The following DOK6 variants were observed in gnomAD, a reference collection of about 807,000 sequenced individuals.
DOK6 encodes downstream of tyrosine kinase 6.
DOK6 carries 22 observed loss-of-function variants against 44.0 expected under a neutral mutation model. The observed-to-expected ratio is 0.50, with a 90% CI of 0.36 to 0.71. The LOEUF is 0.71. Ranked by LOEUF, DOK6 falls within the 30% of genes least tolerant of loss-of-function variation. The pLI is 0.00. For missense variants in DOK6, 340 were observed against 416.4 expected (o/e 0.82, Z 1.60); for synonymous variants, 166 against 145.5 (o/e 1.14, Z -1.01).
In DOK6 at chr18:69,844,484, G is replaced by A. The variant is rs1436590556; in HGVS notation, c.*3101G>A. The A allele has an allele frequency of 6.6e-6, 1 of 151,990 alleles. No homozygotes were observed. The highest frequency in any genetic ancestry group is 1.5e-5 in the Non-Finnish European group (1 of 68,010). 9.4% of individuals were successfully genotyped at this position (151,990 alleles called of 1,614,324 possible). On this transcript the variant is annotated 3_prime_UTR_variant, in exon 8 of 8. Coordinates refer to ENST00000382713, the MANE Select transcript of DOK6 (RefSeq NM_152721.6). ...TTTTCTTCTGATAATATTAATCAAT[G>A]TACACATGATTGATGCATGATATTA...
chr18:69,719,667 G>A (rs1167843494), intron 5 of DOK6, among the ~76,000 whole-genome samples: 1 of 152,136 alleles, frequency 6.6e-6, no homozygotes, highest in Non-Finnish European at 1.5e-5. Context: ...GTCAGTTTGG[G>A]GAAGGGACTG....
At chr18:69,455,827 T>C (rs539952012) in intron 1 of DOK6, among the ~76,000 whole-genome samples, 1 of 152,196 alleles carries the variant, frequency 6.6e-6, no homozygotes, top group Admixed American at 6.5e-5. Flanking sequence ...AAAAGCTAAA[T>C]GATGGGCAAT....
intron 4 of DOK6, among the ~76,000 whole-genome samples, chr18:69,684,057 A>G (rs187656192): frequency 3.7e-4 from 56 of 152,342 alleles, no homozygotes; most frequent in Non-Finnish European, 2.8e-4. Context: ...TAGAAGAAAT[A>G]AGATGACACT....
chr18:69,435,470 A>G (rs1162704140), intron 1 of DOK6, among the ~76,000 whole-genome samples: 1 of 152,220 alleles, frequency 6.6e-6, no homozygotes, highest in East Asian at 1.9e-4. Context: ...TAATAAAAAT[A>G]GAGATGAATG....
intron 2 of DOK6, among the ~76,000 whole-genome samples, chr18:69,569,372 T>G (rs1373423564): frequency 6.6e-6 from 1 of 152,234 alleles, no homozygotes; most frequent in East Asian, 1.9e-4. Flanking sequence ...CCACCACAGG[T>G]GTAGCATTTG....
At chr18:69,410,560 G>A (rs1978301660) in intron 1 of DOK6, among the ~76,000 whole-genome samples, 2 of 152,176 alleles carry the variant, frequency 1.3e-5, no homozygotes, top group South Asian at 2.1e-4. Context: ...GCTTTATAAT[G>A]TGAACACAGA....
chr18:69,475,842 T>C (rs1980245368), intron 1 of DOK6, among the ~76,000 whole-genome samples: 1 of 152,244 alleles, frequency 6.6e-6, no homozygotes, highest in Admixed American at 6.5e-5. Context: ...TATTAAACAA[T>C]ATGAGCCACT....
intron 3 of DOK6, among the ~76,000 whole-genome samples, chr18:69,641,313 A>G (rs991245286): frequency 1.3e-5 from 2 of 152,222 alleles, no homozygotes; most frequent in Non-Finnish European, 2.9e-5. Flanking sequence ...ATCATTAACT[A>G]AACTGTTTAC....
rs1360863842 is a variant in DOK6 at position 69,603,801 on chromosome 18, A to T, written c.289+4303A>T. Among the ~76,000 whole-genome samples, 5 of 148,836 alleles carry T rather than the reference A, an allele frequency of 3.4e-5. No individual in the cohort carries two copies. The East Asian group carries it at 9.8e-4, about 29-fold the overall frequency. On this transcript the variant is annotated intron_variant, in intron 3 of 7. Coordinates refer to ENST00000382713, the MANE Select transcript of DOK6 (RefSeq NM_152721.6). ...AAAAAAAAAAAAAAAAAAAAAGGAC[A>T]TCTGTGGAAAACTTTACTCAGTTCT...
chr18:69,529,636 C>A (rs1981929843), intron 1 of DOK6, among the ~76,000 whole-genome samples: 2 of 152,144 alleles, frequency 1.3e-5, no homozygotes, highest in Admixed American at 6.6e-5. Context: ...ATATTTTCTT[C>A]CTTTAAATCT....
intron 3 of DOK6, among the ~76,000 whole-genome samples, chr18:69,611,267 T>A (rs1984132619): frequency 6.6e-6 from 1 of 152,144 alleles, no homozygotes; most frequent in African/African-American, 2.4e-5. Context: ...GTGACACACC[T>A]GTCAGCATGA....
chr18:69,544,078 G>A (rs1397530761), intron 1 of DOK6, among the ~76,000 whole-genome samples: 2 of 144,812 alleles, frequency 1.4e-5, no homozygotes, highest in Admixed American at 1.4e-4. Context: ...CCAACATAGT[G>A]AAACCCTGTC....
intron 7 of DOK6, among the ~76,000 whole-genome samples, chr18:69,771,045 T>C (rs1568121505): frequency 6.6e-6 from 1 of 152,060 alleles, no homozygotes; most frequent in African/African-American, 2.4e-5. Flanking sequence ...GGCAGTATGA[T>C]ATCTGAAAAT....
At chr18:69,440,515 T>C (rs1397301892) in intron 1 of DOK6, among the ~76,000 whole-genome samples, 3 of 152,172 alleles carry the variant, frequency 2.0e-5, no homozygotes, top group African/African-American at 4.8e-5. Context: ...GGAGTAGCCA[T>C]GAGTCTGTTC....
At chr18:69,607,676 C>T (rs555970546) in intron 3 of DOK6, among the ~76,000 whole-genome samples, 66 of 152,090 alleles carry the variant, frequency 4.3e-4, no homozygotes, top group African/African-American at 1.5e-3. Flanking sequence ...TAACCAAAGA[C>T]AATATGTTAA....
At chr18:69,835,154 T>C (rs760124556) in intron 7 of DOK6, among the ~76,000 whole-genome samples, 47 of 152,110 alleles carry the variant, frequency 3.1e-4, no homozygotes, top group Non-Finnish European at 7.4e-5. Flanking sequence ...ACATAAAGCC[T>C]AACCATATCA....
intron 7 of DOK6, chr18:69,831,178 C>T (rs1981891024): frequency 6.6e-6 from 1 of 152,160 alleles, no homozygotes; most frequent in East Asian, 1.9e-4. Context: ...GTGTAGGTCC[C>T]ATAGTCCAAA....
At chr18:69,566,830 A>G (rs1982995451) in intron 2 of DOK6, among the ~76,000 whole-genome samples, 1 of 152,232 alleles carries the variant, frequency 6.6e-6, no homozygotes, top group Admixed American at 6.5e-5. Context: ...TGAATGGCCA[A>G]ACTAGTGGTG....
intron 1 of DOK6, among the ~76,000 whole-genome samples, chr18:69,526,304 G>T (rs998167424): frequency 2.0e-5 from 3 of 152,000 alleles, no homozygotes; most frequent in Admixed American, 6.6e-5. Flanking sequence ...GTCTATTACA[G>T]ACATTTCATA....
Sources: allele counts gnomAD v4.1 joint callset (sites outside exome capture counted in the v4.1 genomes callset), GRCh38; gene constraint gnomAD v4.1.1; transcripts MANE v1.5; gene names NCBI Gene and HGNC (gene_info 2026-07-23, HGNC 2026-07-21).